Variants in ADCY9 observed in about 807,000 individuals in gnomAD.
The protein encoded by ADCY9 is adenylate cyclase type 9.
Under a neutral mutation model 101.5 loss-of-function variants are expected in ADCY9, and 50 were observed. The ratio of observed to expected loss-of-function variants is 0.49; its 90% CI spans 0.39 to 0.62. ADCY9 has a LOEUF of 0.62. ADCY9 is among the 20% of genes least tolerant of loss of function. ADCY9 has a pLI of 0.00. For missense variants in ADCY9, 1,662 were observed against 1,800.4 expected (o/e 0.92, Z 1.39); for synonymous variants, 905 against 769.3 (o/e 1.18, Z -2.92).
At chr16:4,053,625 G>A (rs1166065219) in intron 2 of ADCY9, among the ~76,000 whole-genome samples, 1 of 152,076 alleles carries the variant, frequency 6.6e-6, no homozygotes, top group African/African-American at 2.4e-5. Context: ...CTTTTTTGGA[G>A]ACTGAAAATA....
rs1222493959 is a variant in ADCY9 at position 3,974,559 on chromosome 16, G to T, written c.2870+110C>A. 9.5e-6 allele frequency: 8 copies of T among 839,756 alleles called. No homozygotes were observed. In the East Asian group the frequency reaches 2.0e-4, roughly 21 times the overall value. The allele number at this position is 839,756 out of a possible 1,614,324, so 52.0% of individuals were successfully genotyped here. On this transcript the variant is annotated intron_variant, in intron 10 of 10. Transcript: ENST00000294016. ...TCCACTTTCTATTCTAAGAATGCAC[G>T]TATTGTTCCTTTTATTCAAGATCCC...
intron 2 of ADCY9, among the ~76,000 whole-genome samples, chr16:4,028,171 C>T (rs533798928): frequency 2.6e-5 from 4 of 152,098 alleles, no homozygotes; most frequent in East Asian, 1.9e-4. Flanking sequence ...TCCTTAGAAC[C>T]GTATAGCAAG....
intron 6 of ADCY9, among the ~76,000 whole-genome samples, chr16:3,985,165 T>C (rs57119403): frequency 0.23 from 27,624 of 120,612 alleles, 3,357 homozygotes; most frequent in Non-Finnish European, 0.29. Context: ...TTTTTTGAGA[T>C]GGGATCTGGC....
At chr16:4,096,893 G>GA (rs112104902) in intron 2 of ADCY9, among the ~76,000 whole-genome samples, 111 of 146,644 alleles carry the variant, frequency 7.6e-4, no homozygotes, top group African/African-American at 2.6e-3. Flanking sequence ...TTGGAAGGGG[G>GA]AAAAAAAAAA....
intron 2 of ADCY9, among the ~76,000 whole-genome samples, chr16:4,107,275 G>C (rs1488269415): frequency 6.6e-6 from 1 of 152,308 alleles, no homozygotes; most frequent in Non-Finnish European, 1.5e-5. Flanking sequence ...TCAAGGCTGG[G>C]CGTGGTGGCT....
intron 9 of ADCY9, among the ~76,000 whole-genome samples, chr16:3,975,139 C>G (rs1192538771): frequency 2.6e-5 from 4 of 152,170 alleles, no homozygotes; most frequent in Admixed American, 6.5e-5. Context: ...GCAGCCATGA[C>G]TAAAGGCCAC....
chr16:4,010,755 C>T (rs535225726), intron 2 of ADCY9, among the ~76,000 whole-genome samples: 2 of 152,114 alleles, frequency 1.3e-5, no homozygotes, highest in African/African-American at 2.4e-5. Flanking sequence ...GGCTGTGGCT[C>T]GAACGTGTCC....
intron 2 of ADCY9, among the ~76,000 whole-genome samples, chr16:4,045,182 G>C (rs1021887010): frequency 6.6e-6 from 1 of 152,066 alleles, no homozygotes. Context: ...CCCAGCCTTG[G>C]TAGACACTTG....
rs2056457159 is a variant in ADCY9 at position 4,018,965 on chromosome 16, G to GTGTGTGTGTGTGTGTA, written c.1694-11408_1694-11407insTACACACACACACACA. Among the ~76,000 whole-genome samples, 5 of 151,188 alleles carry GTGTGTGTGTGTGTGTA rather than the reference G, an allele frequency of 3.3e-5. No individual in the cohort carries two copies. In the South Asian group the frequency reaches 1.1e-3, roughly 32 times the overall value. On this transcript the variant is annotated intron_variant, in intron 2 of 10. Coordinates refer to ENST00000294016, the MANE Select transcript of ADCY9 (RefSeq NM_001116.4). The stretch of plus-strand genomic sequence containing the variant: ...AAGAATCGCAGTTGTGTGTGTGTGT[G>GTGTGTGTGTGTGTGTA]TGTGTTTTGTTTTGTTTTGTTTTTT...
At chr16:4,046,259 G>T (rs1401405238) in intron 2 of ADCY9, among the ~76,000 whole-genome samples, 1 of 151,904 alleles carries the variant, frequency 6.6e-6, no homozygotes, top group Non-Finnish European at 1.5e-5. Context: ...GGCACACAGT[G>T]CCCAGCACTG....
chr16:4,098,790 G>A (rs1170501604), intron 2 of ADCY9, among the ~76,000 whole-genome samples: 1 of 152,112 alleles, frequency 6.6e-6, no homozygotes, highest in African/African-American at 2.4e-5. Context: ...TCCTACTAAG[G>A]GATTTCCTAG....
chr16:4,044,886 C>A (rs1208292916), intron 2 of ADCY9, among the ~76,000 whole-genome samples: 3 of 152,140 alleles, frequency 2.0e-5, no homozygotes, highest in Non-Finnish European at 4.4e-5. Flanking sequence ...TTCCCCAGAC[C>A]AACAATCCAC....
intron 2 of ADCY9, among the ~76,000 whole-genome samples, chr16:4,067,316 C>T (rs1464441817): frequency 1.3e-5 from 2 of 152,082 alleles, no homozygotes; most frequent in East Asian, 3.9e-4. Flanking sequence ...TCAATAACAC[C>T]AGCTCACAAG....
chr16:4,028,417 C>T (rs192304577), intron 2 of ADCY9, among the ~76,000 whole-genome samples: 72 of 152,152 alleles, frequency 4.7e-4, no homozygotes, highest in East Asian at 1.2e-3. Flanking sequence ...ATTTAACTCA[C>T]GAAAAAGGAC....
chr16:4,041,395 T>C (rs953647248), intron 2 of ADCY9, among the ~76,000 whole-genome samples: 21 of 151,690 alleles, frequency 1.4e-4, no homozygotes, highest in African/African-American at 4.6e-4. Flanking sequence ...TCCCAGCTAC[T>C]TGGGAGCCTG....
chr16:3,956,638 A>C (rs540978967), intron 5 of ADCY9, among the ~76,000 whole-genome samples: 4 of 149,432 alleles, frequency 2.7e-5, no homozygotes, highest in Admixed American at 1.4e-4. Flanking sequence ...TTACAGGTGC[A>C]TGCCACCACA....
chr16:4,085,856 G>A (rs773209940), intron 2 of ADCY9, among the ~76,000 whole-genome samples: 1 of 151,948 alleles, frequency 6.6e-6, no homozygotes, highest in Non-Finnish European at 1.5e-5. Flanking sequence ...CTCTTCCAGG[G>A]ACAACCAGTG....
At chr16:4,077,347 T>C (rs558661404) in intron 2 of ADCY9, among the ~76,000 whole-genome samples, 55 of 152,248 alleles carry the variant, frequency 3.6e-4, no homozygotes, top group African/African-American at 1.2e-3. Flanking sequence ...TCAGGTGGTC[T>C]TTCTGGCTGT....
At chr16:4,073,437 C>G (rs1338293757) in intron 2 of ADCY9, among the ~76,000 whole-genome samples, 6 of 151,418 alleles carry the variant, frequency 4.0e-5, no homozygotes, top group Non-Finnish European at 4.4e-5. Flanking sequence ...ACTCAGTTGC[C>G]CAGACTGGAA....
Sources: allele counts gnomAD v4.1 joint callset (sites outside exome capture counted in the v4.1 genomes callset), GRCh38; gene constraint gnomAD v4.1.1; transcripts MANE v1.5; gene names NCBI Gene and HGNC (gene_info 2026-07-23, HGNC 2026-07-21).